ZDHHC14: variants seen among roughly 807,000 people sequenced by gnomAD.
ZDHHC14 encodes zDHHC palmitoyltransferase 14.
A neutral mutation model predicts 47.7 loss-of-function variants in ZDHHC14; 16 were observed. The observed-to-expected ratio is 0.34, with a 90% confidence interval of 0.23 to 0.51. The LOEUF (loss-of-function observed/expected upper bound fraction) is 0.51. Among genes scored for constraint, ZDHHC14 ranks in the 20% least tolerant of loss-of-function variants. ZDHHC14 has a pLI of 0.97. For synonymous variants in ZDHHC14, 293 were observed against 278.9 expected (o/e 1.05, Z -0.50); for missense variants, 515 against 662.5 (o/e 0.78, Z 2.44).
At chr6:157,592,742 G>A (rs1783961590) in intron 2 of ZDHHC14, 2 of 1,255,822 alleles carry the variant, frequency 1.6e-6, no homozygotes, top group Admixed American at 4.1e-5. Flanking sequence ...GGCTGGGTGG[G>A]GCCATGTGTG....
rs149412985 is a variant in ZDHHC14 at position 157,561,504 on chromosome 6, C to A, written c.406+18759C>A. ...CTCAGCAGGTAGAGTGTCCGACGGGCGCGCATGTGAGACCTGCTGTCCCGG... is the reference window on the plus strand; with the variant it reads ...CTCAGCAGGTAGAGTGTCCGACGGGAGCGCATGTGAGACCTGCTGTCCCGG... On this transcript the variant is annotated intron_variant, in intron 2 of 8. Coordinates refer to ENST00000359775, the MANE Select transcript of ZDHHC14 (RefSeq NM_024630.3). Among the ~76,000 whole-genome samples, 13 of 152,248 alleles carry A rather than the reference C, an allele frequency of 8.5e-5. 1 individual carries two copies. The East Asian group carries it at 2.1e-3, about 25-fold the overall frequency.
At position 157,676,599 on chromosome 6, in the gene ZDHHC14, C is replaced by A. The variant is rs1778974622; in HGVS notation, c.*3477C>A. On this transcript the variant is annotated 3_prime_UTR_variant, in exon 9 of 9. Transcript: ENST00000359775. ...GCCTAGGCCTTCTTGTCTGACTCAA[C>A]AGCAAGAAAAATGAACTTGCCAAAA... 6.6e-6 allele frequency: 1 copy of A among 152,282 alleles called. No individual in the cohort carries two copies. The highest frequency in any genetic ancestry group is 1.5e-5 in the Non-Finnish European group (1 of 68,084). The allele number at this position is 152,282 out of a possible 1,614,324, so 9.4% of individuals were successfully genotyped here. A position where few individuals can be genotyped will look rare whatever the true frequency, so the allele number is the denominator to read the frequency against.
intron 1 of ZDHHC14, among the ~76,000 whole-genome samples, chr6:157,384,505 CT>C (rs1170236358): frequency 6.6e-6 from 1 of 152,150 alleles, no homozygotes; most frequent in Non-Finnish European, 1.5e-5. Context: ...TTTGCAGCAT[CT>C]TTTTTATATC....
chr6:157,666,923 A>C (rs1431243147), intron 8 of ZDHHC14, among the ~76,000 whole-genome samples: 1 of 152,208 alleles, frequency 6.6e-6, no homozygotes, highest in Non-Finnish European at 1.5e-5. Flanking sequence ...TTGGGCAGTA[A>C]ATCAGCTGTC....
chr6:157,483,404 A>G (rs1027295192), intron 1 of ZDHHC14, among the ~76,000 whole-genome samples: 1 of 152,162 alleles, frequency 6.6e-6, no homozygotes, highest in African/African-American at 2.4e-5. Context: ...GCAGTGCATT[A>G]TTTGTCCGTG....
intron 3 of ZDHHC14, among the ~76,000 whole-genome samples, chr6:157,623,577 C>T (rs1044527033): frequency 7.4e-6 from 1 of 135,426 alleles, no homozygotes. Context: ...GAGTCTTGCT[C>T]TGTCGCTCAG....
intron 1 of ZDHHC14, among the ~76,000 whole-genome samples, chr6:157,508,211 T>C (rs909913352): frequency 1.3e-5 from 2 of 152,256 alleles, no homozygotes; most frequent in Non-Finnish European, 2.9e-5. Flanking sequence ...TGGGCATCAA[T>C]ACCAGGGTGG....
At chr6:157,644,384 G>C (rs1777414537) in intron 5 of ZDHHC14, among the ~76,000 whole-genome samples, 1 of 152,250 alleles carries the variant, frequency 6.6e-6, no homozygotes, top group African/African-American at 2.4e-5. Context: ...TTGCCCAGCA[G>C]GGGTTGCCTA....
intron 5 of ZDHHC14, among the ~76,000 whole-genome samples, chr6:157,635,745 C>A (rs1405492334): frequency 6.6e-6 from 1 of 152,136 alleles, no homozygotes; most frequent in Non-Finnish European, 1.5e-5. Flanking sequence ...AGGAAGCAAG[C>A]GTGGCAGTAG....
At position 157,582,607 on chromosome 6, in the gene ZDHHC14, T is replaced by C. The variant is rs1783556603; in HGVS notation, c.407-10381T>C. Among the ~76,000 whole-genome samples the C allele has an allele frequency of 6.6e-6, 1 of 152,276 alleles. No homozygotes were observed. The highest frequency in any genetic ancestry group is 1.5e-5 in the Non-Finnish European group (1 of 68,048). On this transcript the variant is annotated intron_variant, in intron 2 of 8. Transcript: ENST00000359775. The surrounding 1 kb of genome is among the most constrained non-coding windows in gnomAD (Gnocchi z 4.3). ...TCTGCTGAAAGATCTGCTGTTAGCCTGATAGGGCTCCCTTTGTAAGTGAAC... is the reference window on the plus strand; with the variant it reads ...TCTGCTGAAAGATCTGCTGTTAGCCCGATAGGGCTCCCTTTGTAAGTGAAC...
At chr6:157,467,134 T>C (rs1343548894) in intron 1 of ZDHHC14, among the ~76,000 whole-genome samples, 3 of 152,226 alleles carry the variant, frequency 2.0e-5, no homozygotes, top group African/African-American at 7.2e-5. Context: ...AATTCTCGCA[T>C]TGCAAGATTT....
At chr6:157,564,923 G>C (rs767733538) in intron 2 of ZDHHC14, among the ~76,000 whole-genome samples, 1 of 152,200 alleles carries the variant, frequency 6.6e-6, no homozygotes, top group African/African-American at 2.4e-5. Flanking sequence ...TCTGCATGCT[G>C]CTTTTGATGT....
At chr6:157,521,443 C>T (rs1264880580) in intron 1 of ZDHHC14, among the ~76,000 whole-genome samples, 3 of 152,204 alleles carry the variant, frequency 2.0e-5, no homozygotes, top group Admixed American at 6.5e-5. Context: ...AGCTCACATA[C>T]AACAGAAACT....
chr6:157,587,299 T>G (rs2114882890), intron 2 of ZDHHC14, among the ~76,000 whole-genome samples: 1 of 152,332 alleles, frequency 6.6e-6, no homozygotes, highest in East Asian at 1.9e-4. Context: ...CTTTGATGGA[T>G]TCAAAGCCAG....
chr6:157,653,321 G>C (rs185531558), intron 7 of ZDHHC14, among the ~76,000 whole-genome samples: 183 of 152,246 alleles, frequency 1.2e-3, no homozygotes, highest in Non-Finnish European at 2.3e-3. Context: ...GAGGAGGCAG[G>C]CCATGCCGTA....
intron 1 of ZDHHC14, among the ~76,000 whole-genome samples, chr6:157,503,617 A>G (rs900854769): frequency 7.9e-5 from 12 of 152,140 alleles, no homozygotes; most frequent in African/African-American, 2.7e-4. Context: ...TCATCCTCCT[A>G]TTGAATTTTG....
At chr6:157,489,930 G>A (rs1042472633) in intron 1 of ZDHHC14, among the ~76,000 whole-genome samples, 2 of 152,150 alleles carry the variant, frequency 1.3e-5, no homozygotes, top group Non-Finnish European at 2.9e-5. Context: ...TGGGAAGAGT[G>A]GCAGAAGGAG....
intron 5 of ZDHHC14, among the ~76,000 whole-genome samples, chr6:157,637,100 T>C (rs866512730): frequency 4.6e-5 from 7 of 152,240 alleles, no homozygotes; most frequent in African/African-American, 1.4e-4. Context: ...GAAAAAACAT[T>C]AGTTCTGGTT....
intron 1 of ZDHHC14, among the ~76,000 whole-genome samples, chr6:157,519,970 G>A (rs968767956): frequency 6.6e-6 from 1 of 152,160 alleles, no homozygotes; most frequent in Non-Finnish European, 1.5e-5. Flanking sequence ...TGACATTTGC[G>A]AGCCTGGGAA....
Sources: gnomAD v4.1 joint callset for allele counts (sites outside exome capture counted in the v4.1 genomes callset) on GRCh38, gnomAD v4.1.1 for gene constraint, Gnocchi (gnomAD v3.1) non-coding constraint, MANE v1.5 for transcripts, NCBI Gene and HGNC (gene_info 2026-07-23, HGNC 2026-07-21) for gene names.